Variants in SNX2 observed in about 807,000 individuals in gnomAD.
SNX2 encodes sorting nexin 2.
In SNX2, 25 loss-of-function variants were observed where a neutral mutation model predicts 69.9. That is an observed-to-expected ratio of 0.36 (90% confidence interval 0.26 to 0.50). The LOEUF (loss-of-function observed/expected upper bound fraction) is 0.50, where lower values mean the gene tolerates loss of function less well. Among genes scored for constraint, SNX2 ranks in the 20% least tolerant of loss-of-function variants. The pLI is 0.97. For missense variants in SNX2, 551 were observed against 613.3 expected (o/e 0.90, Z 1.07); for synonymous variants, 229 against 200.4 (o/e 1.14, Z -1.20).
At chr5:122,800,674 G>T (rs930483598) in intron 3 of SNX2, among the ~76,000 whole-genome samples, 1 of 152,072 alleles carries the variant, frequency 6.6e-6, no homozygotes, top group Non-Finnish European at 1.5e-5. Flanking sequence ...CTTTGTAAAG[G>T]TTTATTGAAC....
intron 6 of SNX2, among the ~76,000 whole-genome samples, chr5:122,807,393 C>T (rs1753682525): frequency 6.6e-6 from 1 of 152,174 alleles, no homozygotes; most frequent in South Asian, 2.1e-4. Context: ...TAGCCATCAT[C>T]CCCTAATGTC....
rs536329137 is a variant in SNX2, at chr5:122,804,987, T to C, written c.643+1374T>C. ...CGGAGTCTCGCTTTGCTGCCCAGGC[T>C]GGAGTGCAGTGGTGTGAGCTCGGCT... is the stretch of plus-strand genomic sequence containing the variant. On this transcript the variant is annotated intron_variant, in intron 6 of 14. Transcript: ENST00000379516. 5.3e-5 allele frequency among the ~76,000 whole-genome samples: 8 copies of C among 152,276 alleles called. No homozygotes were observed. The East Asian group carries it at 1.6e-3, about 30-fold the overall frequency.
chr5:122,795,091 A>G (rs1171062388), intron 1 of SNX2, among the ~76,000 whole-genome samples, 175 bp from the exon 2 acceptor site: 1 of 152,192 alleles, frequency 6.6e-6, no homozygotes, highest in Non-Finnish European at 1.5e-5. Flanking sequence ...AAAGATGATG[A>G]GTTAAAAGTG....
At chr5:122,789,474 G>A (rs1161991223) in intron 1 of SNX2, among the ~76,000 whole-genome samples, 1 of 144,608 alleles carries the variant, frequency 6.9e-6, no homozygotes, top group African/African-American at 2.5e-5. Context: ...GACACACACG[G>A]ACACACACAC....
intron 1 of SNX2, among the ~76,000 whole-genome samples, chr5:122,781,798 A>G (rs1047628409): frequency 1.1e-4 from 16 of 152,274 alleles, no homozygotes; most frequent in Non-Finnish European, 2.1e-4. Flanking sequence ...ATTAAATGCA[A>G]TGAATTTAAA....
chr5:122,826,551 C>CCATATATAATA, intron 12 of SNX2: 1 of 431,334 alleles, frequency 2.3e-6, no homozygotes, highest in Non-Finnish European at 3.1e-6. Flanking sequence ...ACATTATCCC[C>CCATATATAATA]CATATATATG....
At chr5:122,807,991 G>A (rs1021209080) in intron 6 of SNX2, among the ~76,000 whole-genome samples, 2 of 152,090 alleles carry the variant, frequency 1.3e-5, no homozygotes, top group African/African-American at 4.8e-5. Flanking sequence ...AACAGATAAG[G>A]GATCTTTTTG....
intron 7 of SNX2, chr5:122,815,690 T>C (rs1753884642): frequency 2.9e-6 from 1 of 346,318 alleles, no homozygotes; most frequent in East Asian, 4.7e-5. Context: ...TTATGAAAAC[T>C]GGATAGTATA....
At chr5:122,806,370 G>T (rs1252552031) in intron 6 of SNX2, among the ~76,000 whole-genome samples, 1 of 152,022 alleles carries the variant, frequency 6.6e-6, no homozygotes, top group South Asian at 2.1e-4. Context: ...ATAGCTGGTG[G>T]TTTTCAGGTA....
At chr5:122,795,175 A>C in intron 1 of SNX2, 91 bp from the exon 2 acceptor site, 1 of 790,456 alleles carries the variant, frequency 1.3e-6, no homozygotes, top group South Asian at 1.7e-5. Context: ...CATTCTTTTC[A>C]AGAGAATGTT....
intron 2 of SNX2, among the ~76,000 whole-genome samples, chr5:122,796,452 A>G (rs1261485714): frequency 1.3e-5 from 2 of 148,756 alleles, no homozygotes; most frequent in Non-Finnish European, 3.0e-5. Flanking sequence ...AAAATATGAT[A>G]CCAAATACCA....
At chr5:122,780,314 T>C (rs1270868578) in intron 1 of SNX2, among the ~76,000 whole-genome samples, 1 of 152,170 alleles carries the variant, frequency 6.6e-6, no homozygotes, top group Non-Finnish European at 1.5e-5. Context: ...AGGTGATATA[T>C]GTGTAATTAA....
chr5:122,792,855 C>T (rs1471772513), intron 1 of SNX2, among the ~76,000 whole-genome samples: 2 of 152,152 alleles, frequency 1.3e-5, no homozygotes, highest in Non-Finnish European at 2.9e-5. Context: ...TATCTAAATT[C>T]CCTTTAAACA....
At chr5:122,777,094 C>G (rs201315886) in intron 1 of SNX2, among the ~76,000 whole-genome samples, 1 of 151,790 alleles carries the variant, frequency 6.6e-6, no homozygotes, top group East Asian at 1.9e-4. Context: ...CCTAGTATAC[C>G]AAAACTGCTT....
intron 1 of SNX2, among the ~76,000 whole-genome samples, chr5:122,778,306 T>G (rs1449048271): frequency 2.0e-5 from 3 of 152,208 alleles, no homozygotes; most frequent in African/African-American, 7.2e-5. Context: ...ATCGCCAACA[T>G]ATTTATTTCC....
chr5:122,787,555 G>A (rs926616006), intron 1 of SNX2, among the ~76,000 whole-genome samples: 2 of 151,914 alleles, frequency 1.3e-5, no homozygotes, highest in Non-Finnish European at 2.9e-5. Context: ...AAGAGTGATA[G>A]CTCCCTGGCA....
chr5:122,788,117 T>A (rs542311346), intron 1 of SNX2, among the ~76,000 whole-genome samples: 1 of 152,346 alleles, frequency 6.6e-6, no homozygotes, highest in African/African-American at 2.4e-5. Context: ...TCTGAAAACT[T>A]TATTTCACCT....
intron 2 of SNX2, among the ~76,000 whole-genome samples, chr5:122,798,645 C>T (rs1189214871): frequency 1.3e-5 from 2 of 152,180 alleles, no homozygotes; most frequent in African/African-American, 4.8e-5. Flanking sequence ...TTCCTAGTAT[C>T]AGTTCTACAG....
At chr5:122,779,547 A>G (rs1752924023) in intron 1 of SNX2, among the ~76,000 whole-genome samples, 1 of 152,088 alleles carries the variant, frequency 6.6e-6, no homozygotes, top group Admixed American at 6.5e-5. Flanking sequence ...AGTTTGTTTA[A>G]CCATTTGTTG....
Sources: gnomAD v4.1 joint callset for allele counts (sites outside exome capture counted in the v4.1 genomes callset) on GRCh38, gnomAD v4.1.1 for gene constraint, MANE v1.5 for transcripts, NCBI Gene and HGNC (gene_info 2026-07-23, HGNC 2026-07-21) for gene names.